Variants in PKNOX2 observed in about 807,000 individuals in gnomAD.
PKNOX2 encodes the protein homeobox protein PKNOX2.
In PKNOX2, 14 loss-of-function variants were observed where a neutral mutation model predicts 53.1. The observed-to-expected ratio is 0.26, with a 90% confidence interval of 0.17 to 0.41. PKNOX2 has a LOEUF of 0.41. Among genes scored for constraint, PKNOX2 ranks in the 10% least tolerant of loss-of-function variants. PKNOX2 has a pLI of 1.00. For missense variants in PKNOX2, 496 were observed against 602.8 expected, an observed-to-expected ratio of 0.82 and a Z score of 1.85; for synonymous variants, 257 against 242.8, an observed-to-expected ratio of 1.06 and a Z score of -0.54.
intron 2 of PKNOX2, among the ~76,000 whole-genome samples, chr11:125,315,107 C>T (rs73621044): frequency 0.023 from 3,483 of 152,116 alleles, 115 homozygotes; most frequent in African/African-American, 0.067. Context: ...TGGCTGAAGC[C>T]TGCTCAGAGG....
At chr11:125,387,066 G>A (rs1341861644) in intron 6 of PKNOX2, among the ~76,000 whole-genome samples, 1 of 152,184 alleles carries the variant, frequency 6.6e-6, no homozygotes, top group Non-Finnish European at 1.5e-5. Context: ...CCCTTCCCAG[G>A]AGGCAGGCCA....
intron 1 of PKNOX2, among the ~76,000 whole-genome samples, chr11:125,230,750 AT>A (rs1310485395): frequency 7.2e-5 from 11 of 152,156 alleles, no homozygotes; most frequent in Non-Finnish European, 1.3e-4. Flanking sequence ...AGTTGCAGCC[AT>A]TTTTTAATTA....
chr11:125,185,231 A>G (rs1470194340), intron 1 of PKNOX2, among the ~76,000 whole-genome samples: 2 of 152,264 alleles, frequency 1.3e-5, no homozygotes, highest in African/African-American at 4.8e-5. Flanking sequence ...GTGTACATTT[A>G]CAGTTACTGA....
chr11:125,232,661 T>C (rs1278285943), intron 1 of PKNOX2, among the ~76,000 whole-genome samples: 2 of 152,220 alleles, frequency 1.3e-5, no homozygotes, highest in Admixed American at 1.3e-4. Context: ...TAAAACTACA[T>C]ATAGAACTAA....
At chr11:125,226,037 C>T (rs1373201317) in intron 1 of PKNOX2, among the ~76,000 whole-genome samples, 3 of 152,230 alleles carry the variant, frequency 2.0e-5, no homozygotes, top group Non-Finnish European at 4.4e-5. Context: ...CTCCTTTCTG[C>T]CTGCTGCAGA....
intron 2 of PKNOX2, among the ~76,000 whole-genome samples, chr11:125,243,859 T>TA (rs1170339013): frequency 6.6e-6 from 1 of 152,178 alleles, no homozygotes; most frequent in Non-Finnish European, 1.5e-5. Context: ...CCTGACCTCG[T>TA]AATCTGCCTG....
chr11:125,173,551 C>G (rs529184820), intron 1 of PKNOX2, among the ~76,000 whole-genome samples: 1 of 152,356 alleles, frequency 6.6e-6, no homozygotes, highest in South Asian at 2.1e-4. Context: ...TCCTCCATTA[C>G]TCGAATCTTT....
chr11:125,173,991 C>A (rs1450595007), intron 1 of PKNOX2, among the ~76,000 whole-genome samples: 1 of 152,188 alleles, frequency 6.6e-6, no homozygotes, highest in Non-Finnish European at 1.5e-5. Flanking sequence ...TACCCCAGAG[C>A]TTCCCCTCAC....
chr11:125,325,135 C>T (rs1022149468), intron 2 of PKNOX2, among the ~76,000 whole-genome samples: 2 of 152,176 alleles, frequency 1.3e-5, no homozygotes, highest in Admixed American at 6.5e-5. Context: ...ATGATGCATT[C>T]CCAATTACCA....
intron 4 of PKNOX2, among the ~76,000 whole-genome samples, chr11:125,362,132 G>C (rs964090931): frequency 4.3e-5 from 6 of 140,406 alleles, no homozygotes; most frequent in African/African-American, 3.3e-5. Flanking sequence ...ACATGCAGAG[G>C]GGGGTGAAGT....
intron 1 of PKNOX2, among the ~76,000 whole-genome samples, chr11:125,169,696 G>A (rs1462285841): frequency 1.3e-5 from 2 of 152,242 alleles, no homozygotes; most frequent in East Asian, 3.9e-4. Context: ...TGCGCTCTGA[G>A]TAAAAAAAAT....
chr11:125,311,214 G>A (rs1948782166), intron 2 of PKNOX2, among the ~76,000 whole-genome samples: 1 of 152,180 alleles, frequency 6.6e-6, no homozygotes, highest in South Asian at 2.1e-4. Flanking sequence ...GGGCTAAGAT[G>A]TGATGTCCAT....
intron 1 of PKNOX2, among the ~76,000 whole-genome samples, chr11:125,232,582 T>C (rs1942305055): frequency 6.6e-6 from 1 of 152,210 alleles, no homozygotes; most frequent in Non-Finnish European, 1.5e-5. Context: ...ACCCACAATT[T>C]AACCACTAGA....
chr11:125,268,948 C>T (rs1305450379), intron 2 of PKNOX2, among the ~76,000 whole-genome samples: 97 of 15,048 alleles, frequency 6.4e-3, no homozygotes, highest in African/African-American at 0.018. Flanking sequence ...ATGCCCATGG[C>T]GGGAGGGTGC....
At chr11:125,309,380 A>G (rs1194108714) in intron 2 of PKNOX2, among the ~76,000 whole-genome samples, 1 of 143,714 alleles carries the variant, frequency 7.0e-6, no homozygotes, top group African/African-American at 2.6e-5. Context: ...TTACTCTAAC[A>G]GTACCAATTT....
At chr11:125,351,859 C>T (rs1036156749) in intron 4 of PKNOX2, among the ~76,000 whole-genome samples, 4 of 152,108 alleles carry the variant, frequency 2.6e-5, no homozygotes, top group African/African-American at 4.8e-5. Context: ...GCCTGCCTGT[C>T]GGGAGAATCT....
At chr11:125,409,758 T>A (rs1766977942) in intron 7 of PKNOX2, among the ~76,000 whole-genome samples, 1 of 151,934 alleles carries the variant, frequency 6.6e-6, no homozygotes, top group South Asian at 2.1e-4. Flanking sequence ...GACAGTGGAA[T>A]CACCTGGGGA....
chr11:125,242,819 A>G lies in PKNOX2; in HGVS notation c.-130+7704A>G, dbSNP rs143617358. On this transcript the variant is annotated intron_variant, in intron 2 of 12. Coordinates refer to ENST00000298282, the MANE Select transcript of PKNOX2 (RefSeq NM_001382323.2). Reference sequence around the variant, plus strand: ...GCCTATCTCTTCATCTAGGCTTGCAATCATCCTCACGTCCCCATCATGCTC... The same window carrying G: ...GCCTATCTCTTCATCTAGGCTTGCAGTCATCCTCACGTCCCCATCATGCTC... Among the ~76,000 whole-genome samples the G allele has an allele frequency of 4.6e-3, 700 of 152,136 alleles. 4 individuals are homozygous for G. Among genetic ancestry groups the G allele is most frequent in the African/African-American group, 0.016 (657 of 41,530 alleles).
intron 2 of PKNOX2, among the ~76,000 whole-genome samples, chr11:125,301,008 C>T (rs1319501091): frequency 2.0e-5 from 3 of 152,196 alleles, no homozygotes; most frequent in South Asian, 2.1e-4. Flanking sequence ...GCTCTATCCT[C>T]GTCCCCTCCT....
Sources: allele counts gnomAD v4.1 joint callset (sites outside exome capture counted in the v4.1 genomes callset), GRCh38; gene constraint gnomAD v4.1.1; transcripts MANE v1.5; gene names NCBI Gene and HGNC (gene_info 2026-07-23, HGNC 2026-07-21).